The following ZFPM2 variants were observed in gnomAD, a reference collection of about 807,000 sequenced individuals.
ZFPM2 encodes the protein zinc finger protein ZFPM2.
ZFPM2 carries 20 observed loss-of-function variants against 98.6 expected under a neutral mutation model. That is an observed-to-expected ratio of 0.20 (90% CI 0.14 to 0.29). The LOEUF (loss-of-function observed/expected upper bound fraction) is 0.29. ZFPM2 is among the 10% of genes least tolerant of loss of function. The probability of loss-of-function intolerance (pLI) is 1.00; values close to 1 mark genes in which losing one functional copy is unlikely to be tolerated. For synonymous variants in ZFPM2, 518 were observed against 502.7 expected (o/e 1.03, Z -0.41); for missense variants, 1,310 against 1,388.6 (o/e 0.94, Z 0.90).
chr8:105,634,711 A>T (rs77058705), intron 5 of ZFPM2, among the ~76,000 whole-genome samples: 2,230 of 152,282 alleles, frequency 0.015, 51 homozygotes, highest in African/African-American at 0.05. Context: ...AAAAAGTAAA[A>T]TCCTTCTAAA....
intron 3 of ZFPM2, among the ~76,000 whole-genome samples, chr8:105,529,218 C>G (rs1033540365): frequency 2.0e-5 from 3 of 152,046 alleles, no homozygotes; most frequent in African/African-American, 7.2e-5. Context: ...TACAAAGACA[C>G]CAGCCTTATT....
intron 2 of ZFPM2, among the ~76,000 whole-genome samples, chr8:105,441,448 GAGAGAGAA>G (rs1187492198): frequency 1.1e-4 from 4 of 36,034 alleles, no homozygotes; most frequent in Admixed American, 3.0e-4. Context: ...GAGAGAGAGA[GAGAGAGAA>G]AGAAAGAAAG....
At chr8:105,330,648 A>ATATT in intron 1 of ZFPM2, among the ~76,000 whole-genome samples, 1 of 135,210 alleles carries the variant, frequency 7.4e-6, no homozygotes, top group South Asian at 2.3e-4. Context: ...ATATATATAT[A>ATATT]TTTTTCAGGA....
intron 5 of ZFPM2, among the ~76,000 whole-genome samples, chr8:105,751,032 A>G (rs1182474057): frequency 6.6e-6 from 1 of 152,078 alleles, no homozygotes; most frequent in Admixed American, 6.6e-5. Context: ...AGATTTTCCA[A>G]TCAGATTTGT....
At position 105,380,740 on chromosome 8, in the gene ZFPM2, A is replaced by ATATATATATTATATATAACATATATAT. The variant is rs1810852358; in HGVS notation, c.41-38397_41-38396insATTATATATAACATATATATTATATAT. On this transcript the variant is annotated intron_variant, in intron 1 of 7. Transcript: ENST00000407775. ...ATATTATATATAACATATATATTAT[A>ATATATATATTATATATAACATATATAT]TATATATGTTATATATAACATATAT... 4.5e-5 allele frequency among the ~76,000 whole-genome samples: 2 copies of ATATATATATTATATATAACATATATAT among 44,008 alleles called. 1 individual carries two copies. The highest frequency in any genetic ancestry group is 2.7e-4 in the African/African-American group (2 of 7,322). The allele number at this position is 44,008 out of a possible 152,430, so 28.9% of individuals were successfully genotyped here.
intron 1 of ZFPM2, among the ~76,000 whole-genome samples, chr8:105,398,786 A>G (rs564135994): frequency 1.2e-4 from 18 of 152,308 alleles, no homozygotes; most frequent in East Asian, 3.9e-4. Flanking sequence ...GTACATATGT[A>G]TACATATAAT....
intron 2 of ZFPM2, among the ~76,000 whole-genome samples, chr8:105,430,449 A>G (rs1449251204): frequency 5.9e-5 from 9 of 152,176 alleles, no homozygotes; most frequent in Non-Finnish European, 1.3e-4. Context: ...TGAATTCCAA[A>G]TCTATTATCA....
At chr8:105,389,421 G>C (rs1348650720) in intron 1 of ZFPM2, among the ~76,000 whole-genome samples, 1 of 152,120 alleles carries the variant, frequency 6.6e-6, no homozygotes, top group Non-Finnish European at 1.5e-5. Context: ...CACAAAAGCC[G>C]AGACCTTTAG....
At chr8:105,661,656 C>G (rs1475159332) in intron 5 of ZFPM2, among the ~76,000 whole-genome samples, 1 of 151,954 alleles carries the variant, frequency 6.6e-6, no homozygotes, top group Non-Finnish European at 1.5e-5. Context: ...TCCCCTTTTT[C>G]TCTTTTAATC....
At position 105,667,771 on chromosome 8, in the gene ZFPM2, CTTTT is replaced by C. The variant is rs1306261157; in HGVS notation, c.532+33418_532+33421del. Among the ~76,000 whole-genome samples, 3 of 152,006 alleles carry C rather than the reference CTTTT, an allele frequency of 2.0e-5. No homozygotes were observed. In the East Asian group the frequency reaches 5.8e-4, roughly 29 times the overall value. On this transcript the variant is annotated intron_variant, in intron 5 of 7. Transcript: ENST00000407775. ...AAATATAATACAGTGCCAATTCTCA[CTTTT>C]TTTGTTTTAAAAGATAGTTATTTTT...
intron 1 of ZFPM2, among the ~76,000 whole-genome samples, chr8:105,362,945 G>A (rs556294278): frequency 9.2e-5 from 14 of 152,076 alleles, no homozygotes; most frequent in Non-Finnish European, 1.5e-4. Context: ...TAAGGTAGCC[G>A]GCTGTGTTTA....
intron 2 of ZFPM2, among the ~76,000 whole-genome samples, chr8:105,443,760 G>A (rs1286839282): frequency 6.6e-6 from 1 of 152,130 alleles, no homozygotes; most frequent in Admixed American, 6.5e-5. Flanking sequence ...TTTAATTATG[G>A]CCTTTTCCAC....
At chr8:105,360,841 T>C (rs1462528993) in intron 1 of ZFPM2, among the ~76,000 whole-genome samples, 1 of 137,142 alleles carries the variant, frequency 7.3e-6, no homozygotes, top group Non-Finnish European at 1.6e-5. Flanking sequence ...CCATGGTGTA[T>C]ATGTGCCACA....
chr8:105,562,104 G>A (rs1815150870), intron 4 of ZFPM2, among the ~76,000 whole-genome samples: 1 of 151,876 alleles, frequency 6.6e-6, no homozygotes, highest in Non-Finnish European at 1.5e-5. Flanking sequence ...TCAGGAGTTC[G>A]AGACCAGCTT....
chr8:105,365,138 A>G (rs1810482425), intron 1 of ZFPM2, among the ~76,000 whole-genome samples: 1 of 152,164 alleles, frequency 6.6e-6, no homozygotes, highest in Non-Finnish European at 1.5e-5. Context: ...GGTATTTAGC[A>G]TGCTTTCAGT....
At chr8:105,592,372 C>T (rs1475445468) in intron 4 of ZFPM2, among the ~76,000 whole-genome samples, 1 of 152,020 alleles carries the variant, frequency 6.6e-6, no homozygotes, top group Admixed American at 6.6e-5. Flanking sequence ...TGAAGGGTGG[C>T]CAAATTGGCA....
At chr8:105,389,382 AAG>A (rs1811065548) in intron 1 of ZFPM2, among the ~76,000 whole-genome samples, 1 of 152,138 alleles carries the variant, frequency 6.6e-6, no homozygotes, top group Non-Finnish European at 1.5e-5. Context: ...TAAATGGACA[AAG>A]AGGAAAATCA....
intron 5 of ZFPM2, among the ~76,000 whole-genome samples, chr8:105,722,506 G>C (rs555302137): frequency 6.6e-6 from 1 of 151,832 alleles, no homozygotes; most frequent in East Asian, 2.0e-4. Flanking sequence ...CCAAAAACCT[G>C]ACCAATGACA....
rs1280096666 is a variant in ZFPM2 at position 105,434,718 on chromosome 8, G to A, written c.200-9562G>A. On this transcript the variant is annotated intron_variant, in intron 2 of 7. Coordinates refer to ENST00000407775, the MANE Select transcript of ZFPM2 (RefSeq NM_012082.4). ...TGATTGCAAAATGCATTATAGGGAT[G>A]ACTAACAGCTACAGTAACACTCCTA... is the stretch of plus-strand genomic sequence containing the variant. 2.6e-5 allele frequency among the ~76,000 whole-genome samples: 4 copies of A among 152,154 alleles called. No homozygotes were observed. In the East Asian group the frequency reaches 7.7e-4, roughly 29 times the overall value.
Sources: allele counts gnomAD v4.1 joint callset (sites outside exome capture counted in the v4.1 genomes callset), GRCh38; gene constraint gnomAD v4.1.1; transcripts MANE v1.5; gene names NCBI Gene and HGNC (gene_info 2026-07-23, HGNC 2026-07-21).